Variants in CETN3 observed in about 807,000 individuals in gnomAD.
The protein encoded by CETN3 is centrin-3.
A neutral mutation model predicts 20.1 loss-of-function variants in CETN3; 17 were observed. The ratio of observed to expected loss-of-function variants is 0.85; its 90% CI spans 0.58 to 1.27. The LOEUF (loss-of-function observed/expected upper bound fraction) is 1.27. CETN3 is among the 50% of genes most tolerant of loss of function. The pLI is 0.00. For missense variants in CETN3, 169 were observed against 191.2 expected, an observed-to-expected ratio of 0.88 and a Z score of 0.69; for synonymous variants, 52 against 59.7, an observed-to-expected ratio of 0.87 and a Z score of 0.59.
In CETN3 at chr5:90,392,398, T is replaced by A. The variant is rs1318453073; in HGVS notation, c.*1666A>T. The A allele has an allele frequency of 6.6e-6, 1 of 152,184 alleles. No individual in the cohort carries two copies. The highest frequency in any genetic ancestry group is 1.5e-5 in the Non-Finnish European group (1 of 68,032). 9.4% of individuals were successfully genotyped at this position (152,184 alleles called of 1,614,324 possible). A position where few individuals can be genotyped will look rare whatever the true frequency, so the allele number is the denominator to read the frequency against. ...CCCTGAATATAATGACTGTGACCAT[T>A]GAATTTGTATTCAAAATTAAGTTTT... On this transcript the variant is annotated 3_prime_UTR_variant, in exon 5 of 5. Coordinates refer to ENST00000283122, the MANE Select transcript of CETN3 (RefSeq NM_004365.4).
chr5:90,393,456 C>G lies in CETN3; in HGVS notation c.*608G>C, dbSNP rs1243258295. The G allele has an allele frequency of 1.3e-5, 2 of 152,086 alleles. No homozygotes were observed. The highest frequency in any genetic ancestry group is 2.9e-5 in the Non-Finnish European group (2 of 68,008). The allele number at this position is 152,086 out of a possible 1,614,324, so 9.4% of individuals were successfully genotyped here. On this transcript the variant is annotated 3_prime_UTR_variant, in exon 5 of 5. Coordinates refer to ENST00000283122, the MANE Select transcript of CETN3 (RefSeq NM_004365.4). ...AATACACAAGGATAAATGGGTCTAT[C>G]TGCACAATACTTATTCCTTCTAAAC...
chr5:90,402,812 A>G (rs1749332612), intron 3 of CETN3, among the ~76,000 whole-genome samples: 1 of 152,222 alleles, frequency 6.6e-6, no homozygotes, highest in Non-Finnish European at 1.5e-5. Flanking sequence ...ACATAGTACT[A>G]TAGCCTGTTG....
intron 2 of CETN3, 142 bp from the exon 3 acceptor site, chr5:90,405,941 G>C: frequency 1.6e-6 from 1 of 607,464 alleles, no homozygotes; most frequent in Non-Finnish European, 2.8e-6. Context: ...TAAAATAGCA[G>C]TGATAGTGTA....
intron 4 of CETN3, 100 bp downstream of exon 4, chr5:90,399,253 CAGTTA>C: frequency 3.4e-6 from 3 of 891,434 alleles, no homozygotes; most frequent in Non-Finnish European, 5.4e-6. Flanking sequence ...TTACAAGAAG[CAGTTA>C]AGTTTACAAA....
chr5:90,400,778 T>A (rs1333667672), intron 3 of CETN3, among the ~76,000 whole-genome samples: 2 of 152,120 alleles, frequency 1.3e-5, no homozygotes, highest in Non-Finnish European at 2.9e-5. Context: ...ATAGTTTCCT[T>A]TTATCCATTA....
intron 3 of CETN3, among the ~76,000 whole-genome samples, chr5:90,401,501 T>C (rs771662705): frequency 6.6e-5 from 10 of 152,204 alleles, no homozygotes; most frequent in Non-Finnish European, 1.2e-4. Flanking sequence ...ATGTACTTCA[T>C]CAAAATACTT....
chr5:90,400,223 C>G (rs1194962384), intron 3 of CETN3, among the ~76,000 whole-genome samples: 1 of 152,134 alleles, frequency 6.6e-6, no homozygotes, highest in African/African-American at 2.4e-5. Context: ...CAAAGAAGGT[C>G]TCCTTAAAGC....
At chr5:90,409,051 G>C (rs975067928) in intron 1 of CETN3, among the ~76,000 whole-genome samples, 1 of 152,014 alleles carries the variant, frequency 6.6e-6, no homozygotes, top group Non-Finnish European at 1.5e-5. Flanking sequence ...ATAGTTTTAC[G>C]GTACAACGTC....
rs547378469 is a variant in CETN3 at position 90,401,679 on chromosome 5, G to T, written c.269-2130C>A. On this transcript the variant is annotated intron_variant, in intron 3 of 4. Coordinates refer to ENST00000283122, the MANE Select transcript of CETN3 (RefSeq NM_004365.4). The stretch of plus-strand genomic sequence containing the variant: ...TCCAAACATACCAGTTAGACATGTT[G>T]GACTCCAAACTCATTCCACTACCAC... Among the ~76,000 whole-genome samples, 3 of 151,996 alleles carry T rather than the reference G, an allele frequency of 2.0e-5. No individual in the cohort carries two copies. In the South Asian group the frequency reaches 6.2e-4, roughly 32 times the overall value.
intron 4 of CETN3, 106 bp from the exon 5 acceptor site, chr5:90,394,213 C>T (rs1243649807): frequency 4.4e-6 from 3 of 682,750 alleles, no homozygotes; most frequent in Non-Finnish European, 7.3e-6. Context: ...TTACATTATG[C>T]AAAATTATTA....
intron 4 of CETN3, chr5:90,399,049 G>GA (rs1749210813): frequency 6.1e-6 from 3 of 487,948 alleles, no homozygotes; most frequent in Non-Finnish European, 1.1e-5. Flanking sequence ...ATTTGAAGGG[G>GA]AAAATCAATA....
intron 1 of CETN3, among the ~76,000 whole-genome samples, chr5:90,409,110 T>TA (rs1040390294): frequency 5.3e-5 from 8 of 151,984 alleles, no homozygotes; most frequent in Non-Finnish European, 5.9e-5. Context: ...AACTGAAAGG[T>TA]AAAAAAATGC....
At chr5:90,407,668 C>T (rs373681130) in intron 2 of CETN3, 31 bp downstream of exon 2, 219 of 1,349,320 alleles carry the variant, frequency 1.6e-4, no homozygotes, top group Non-Finnish European at 2.0e-4. Flanking sequence ...CATTTTAACA[C>T]AGAAACAAAT....
intron 1 of CETN3, 84 bp downstream of exon 1, chr5:90,409,561 C>A: frequency 6.5e-7 from 1 of 1,528,682 alleles, no homozygotes; most frequent in Non-Finnish European, 9.1e-7. Context: ...CTCGCCTCGG[C>A]CCCAAACGTC....
intron 4 of CETN3, among the ~76,000 whole-genome samples, chr5:90,396,728 G>A (rs1749145024): frequency 6.6e-6 from 1 of 151,916 alleles, no homozygotes; most frequent in South Asian, 2.1e-4. Flanking sequence ...TACTCAAACT[G>A]CAAATTTTAA....
chr5:90,395,760 T>G (rs1352419170), intron 4 of CETN3: 2 of 460,064 alleles, frequency 4.3e-6, no homozygotes, highest in Non-Finnish European at 5.7e-6. Flanking sequence ...ACAATGGTGT[T>G]CATTGTACTA....
At chr5:90,407,558 T>C (rs137936244) in intron 2 of CETN3, 141 bp downstream of exon 2, 1 of 485,598 alleles carries the variant, frequency 2.1e-6, no homozygotes, top group Admixed American at 4.4e-5. Flanking sequence ...TATTACAGCA[T>C]CTAACTATGA....
chr5:90,407,345 GTA>G (rs1303548117), intron 2 of CETN3, among the ~76,000 whole-genome samples: 2 of 152,006 alleles, frequency 1.3e-5, no homozygotes, highest in African/African-American at 4.8e-5. Flanking sequence ...TCTGAAAACA[GTA>G]TGAGTCACCA....
Position 90,394,110 on chromosome 5 carries a change from G to A in CETN3, c.461-3C>T. The A allele has an allele frequency of 6.5e-7, 1 of 1,540,290 alleles. No homozygotes were observed. Among genetic ancestry groups the A allele is most frequent in the Non-Finnish European group, 8.9e-7 (1 of 1,125,936 alleles). ...AGCAATGAACTCCTCTTGGTTTACT[G>A]TGGTAAGAAAGAAAATGAAATAGTC... On this transcript the variant is annotated splice_polypyrimidine_tract_variant and splice_region_variant and intron_variant, in intron 4 of 4. Transcript: ENST00000283122.
Sources: allele counts gnomAD v4.1 joint callset (sites outside exome capture counted in the v4.1 genomes callset), GRCh38; gene constraint gnomAD v4.1.1; transcripts MANE v1.5; gene names NCBI Gene and HGNC (gene_info 2026-07-23, HGNC 2026-07-21).